Variants in TBXAS1 observed in about 807,000 individuals in gnomAD.
TBXAS1 encodes the protein thromboxane A synthase 1.
In TBXAS1, 48 loss-of-function variants were observed where a neutral mutation model predicts 60.7. The ratio of observed to expected loss-of-function variants is 0.79; its 90% CI spans 0.63 to 1.01. The LOEUF is 1.01. Among genes scored for constraint, TBXAS1 ranks in the 50% least tolerant of loss-of-function variants. TBXAS1 has a pLI of 0.00. For synonymous variants in TBXAS1, 287 were observed against 269.7 expected, an observed-to-expected ratio of 1.06 and a Z score of -0.63; for missense variants, 685 against 686.3, an observed-to-expected ratio of 1.00 and a Z score of 0.02.
chr7:139,781,619 G>C (rs973596419), intron 2 of TBXAS1, among the ~76,000 whole-genome samples: 4 of 152,032 alleles, frequency 2.6e-5, no homozygotes, highest in African/African-American at 9.7e-5. Flanking sequence ...ATCACCTGAG[G>C]TCAAGAGTTT....
rs762472485 is a variant in TBXAS1 at position 139,875,623 on chromosome 7, T to C, written c.222T>C (p.Tyr74=). The change falls in exon 3 of 13, where the codon TAT becomes TAC. Residue 74 remains tyrosine, a synonymous_variant. Coordinates refer to ENST00000448866, the MANE Select transcript of TBXAS1 (RefSeq NM_001061.7). The part of the protein sequence containing the change: ...WESQMELRKL[Y]GPLCGYYLGR... ...GCCAAATGGAGCTCAGAAAGCTGTA[T>C]GGACCTCTGTGTGGGTAAGAAGGAA... The C allele has an allele frequency of 6.2e-7, 1 of 1,613,784 alleles. No homozygotes were observed. Among genetic ancestry groups the C allele is most frequent in the Non-Finnish European group, 8.5e-7 (1 of 1,180,042 alleles).
rs186519004 is a variant in TBXAS1, at chr7:139,986,979, C to T, written c.1135-20112C>T. On this transcript the variant is annotated intron_variant, in intron 9 of 12. Coordinates refer to ENST00000448866, the MANE Select transcript of TBXAS1 (RefSeq NM_001061.7). ...CAGAGTCAGGCCCTGGAAGAATCCC[C>T]CAGGCTATCTGTAAGAGCTAGAATC... is the stretch of plus-strand genomic sequence containing the variant. Among the ~76,000 whole-genome samples, 51 of 152,114 alleles carry T rather than the reference C, an allele frequency of 3.4e-4. No individual in the cohort carries two copies. The East Asian group carries it at 9.5e-3, about 28-fold the overall frequency.
Position 139,896,459 on chromosome 7 carries a change from G to A in TBXAS1, c.237-14766G>A, listed in dbSNP as rs1466094376. ...TTTTTCACAGCAAGAATGAAAGGCTGTGGTTCCCAAACTGTGTGCTGAGAC... is the reference window on the plus strand; with the variant it reads ...TTTTTCACAGCAAGAATGAAAGGCTATGGTTCCCAAACTGTGTGCTGAGAC... On this transcript the variant is annotated intron_variant, in intron 3 of 12. Coordinates refer to ENST00000448866, the MANE Select transcript of TBXAS1 (RefSeq NM_001061.7). The surrounding 1 kb of genome is among the most constrained non-coding windows in gnomAD (Gnocchi z 4.0). 6.6e-6 allele frequency among the ~76,000 whole-genome samples: 1 copy of A among 152,196 alleles called. No individual in the cohort carries two copies. The highest frequency in any genetic ancestry group is 6.5e-5 in the Admixed American group (1 of 15,282).
chr7:140,000,551 C>T (rs1231457114), intron 9 of TBXAS1, among the ~76,000 whole-genome samples: 1 of 152,116 alleles, frequency 6.6e-6, no homozygotes, highest in African/African-American at 2.4e-5. Flanking sequence ...GATGGAAAGA[C>T]TAAGAGACCA....
intron 4 of TBXAS1, among the ~76,000 whole-genome samples, chr7:139,811,991 A>T (rs910996475): frequency 6.6e-6 from 1 of 152,194 alleles, no homozygotes; most frequent in African/African-American, 2.4e-5. Context: ...CCGGGCCTCA[A>T]TGTCTTCCAG....
At chr7:139,944,371 A>G (rs868157773) in intron 5 of TBXAS1, among the ~76,000 whole-genome samples, 3 of 152,214 alleles carry the variant, frequency 2.0e-5, no homozygotes, top group Non-Finnish European at 2.9e-5. Flanking sequence ...ATTAGTGAGA[A>G]AGAAAGCTGA....
intron 1 of TBXAS1, among the ~76,000 whole-genome samples, chr7:139,860,611 C>G (rs565453236): frequency 2.0e-5 from 3 of 152,048 alleles, no homozygotes; most frequent in Non-Finnish European, 4.4e-5. Flanking sequence ...GTTGTCAGAG[C>G]GAGAGAAGGC....
chr7:139,927,535 A>G (rs1806989050), intron 4 of TBXAS1, among the ~76,000 whole-genome samples: 1 of 152,126 alleles, frequency 6.6e-6, no homozygotes, highest in Admixed American at 6.5e-5. Context: ...TAATCTTTTC[A>G]TCTTTCTACT....
chr7:139,902,675 A>G (rs60947690), intron 3 of TBXAS1, among the ~76,000 whole-genome samples: 38,826 of 152,074 alleles, frequency 0.26, 5,226 homozygotes, highest in South Asian at 0.43. Flanking sequence ...GGTTAGTTTT[A>G]TAAGAAATCG....
At chr7:139,868,482 T>G (rs1030557250) in intron 1 of TBXAS1, among the ~76,000 whole-genome samples, 6 of 151,528 alleles carry the variant, frequency 4.0e-5, no homozygotes, top group African/African-American at 1.5e-4. Context: ...TTTATTTATT[T>G]ATTTATTTAT....
At chr7:139,927,694 T>C (rs1807001656) in intron 4 of TBXAS1, among the ~76,000 whole-genome samples, 1 of 152,174 alleles carries the variant, frequency 6.6e-6, no homozygotes, top group South Asian at 2.1e-4. Flanking sequence ...ATCTTAGCAA[T>C]ATTTTGTAGT....
At chr7:139,911,791 G>C (rs1459881609) in intron 4 of TBXAS1, among the ~76,000 whole-genome samples, 1 of 152,228 alleles carries the variant, frequency 6.6e-6, no homozygotes, top group Non-Finnish European at 1.5e-5. Flanking sequence ...CCCCTAGTAA[G>C]AGAAGGAAAC....
intron 3 of TBXAS1, among the ~76,000 whole-genome samples, chr7:139,878,108 TGAGAGA>T (rs3070223): frequency 4.8e-5 from 7 of 146,940 alleles, no homozygotes; most frequent in South Asian, 2.2e-4. Context: ...TGTGTGTGTG[TGAGAGA>T]GAGAGAGAGA....
At chr7:139,782,849 C>T (rs1797046667) in intron 3 of TBXAS1, 1 of 152,134 alleles carries the variant, frequency 6.6e-6, no homozygotes, top group East Asian at 1.9e-4. Context: ...CTGTATCTTT[C>T]TATCTTTTCC....
At chr7:139,779,978 G>C (rs1181517761) in intron 1 of TBXAS1, among the ~76,000 whole-genome samples, 2 of 152,138 alleles carry the variant, frequency 1.3e-5, no homozygotes, top group African/African-American at 2.4e-5. Flanking sequence ...GATTCTACCT[G>C]TGCCTGGCTC....
At chr7:139,985,523 T>C (rs1812385647) in intron 9 of TBXAS1, among the ~76,000 whole-genome samples, 1 of 152,230 alleles carries the variant, frequency 6.6e-6, no homozygotes, top group African/African-American at 2.4e-5. Flanking sequence ...TCAATTATTG[T>C]AACCCTGTAG....
At chr7:140,017,973 G>T in intron 12 of TBXAS1, 140 bp downstream of exon 12, 4 of 1,117,034 alleles carry the variant, frequency 3.6e-6, no homozygotes, top group Non-Finnish European at 5.2e-6. Context: ...AACCTCTCTC[G>T]GCCTCAGTTT....
chr7:139,900,924 C>T (rs185107091), intron 3 of TBXAS1, among the ~76,000 whole-genome samples: 1 of 152,300 alleles, frequency 6.6e-6, no homozygotes, highest in Admixed American at 6.5e-5. Flanking sequence ...TCACTGTTGC[C>T]AAGGAGATGA....
chr7:139,880,916 T>G (rs978823644), intron 3 of TBXAS1, among the ~76,000 whole-genome samples: 1 of 152,230 alleles, frequency 6.6e-6, no homozygotes, highest in Non-Finnish European at 1.5e-5. Context: ...TCAGTTTAGA[T>G]TCCCATAAAT....
Sources: allele counts gnomAD v4.1 joint callset (sites outside exome capture counted in the v4.1 genomes callset), GRCh38; gene constraint gnomAD v4.1.1; non-coding constraint Gnocchi (gnomAD v3.1); transcripts MANE v1.5; gene names NCBI Gene and HGNC (gene_info 2026-07-23, HGNC 2026-07-21).